RTL4: variants seen among roughly 807,000 people sequenced by gnomAD.
The protein encoded by RTL4 is retrotransposon Gag-like protein 4.
In RTL4, 4 loss-of-function variants were observed where a neutral mutation model predicts 5.3. That is an observed-to-expected ratio of 0.75 (90% CI 0.37 to 1.72). The LOEUF is 1.72. Ranked by LOEUF, RTL4 falls within the 40% of genes most tolerant of loss-of-function variation. The pLI, the probability that RTL4 is intolerant of heterozygous loss-of-function variation, is 0.04. For missense variants in RTL4, 260 were observed against 227.1 expected, an observed-to-expected ratio of 1.14 and a Z score of -0.93; for synonymous variants, 98 against 87.3, an observed-to-expected ratio of 1.12 and a Z score of -0.68.
the RTL4 span, among the ~76,000 whole-genome samples, chrX:112,425,772 G>C: frequency 1.5e-4 from 17 of 111,014 alleles, no homozygotes; most frequent in African/African-American, 5.2e-4. Flanking sequence ...TTTTTAATCA[G>C]GTTTTTAAAA....
the RTL4 span, among the ~76,000 whole-genome samples, chrX:112,090,053 C>T: frequency 9.0e-6 from 1 of 110,789 alleles, no homozygotes; most frequent in African/African-American, 3.3e-5. Context: ...TTTTCCATTA[C>T]TAGTTTACAG....
At chrX:112,426,862 G>A in the RTL4 span, among the ~76,000 whole-genome samples, 37 of 110,135 alleles carry the variant, frequency 3.4e-4, no homozygotes, top group African/African-American at 1.2e-3. Flanking sequence ...CTTGCATCCC[G>A]GAACTTAAAG....
chrX:112,159,765 C>G, the RTL4 span, among the ~76,000 whole-genome samples: 1 of 111,482 alleles, frequency 9.0e-6, no homozygotes, highest in Non-Finnish European at 1.9e-5. Flanking sequence ...CCCGTCTCCC[C>G]ACTCTTCCAA....
chrX:112,120,271 T>TGTTC, the RTL4 span, among the ~76,000 whole-genome samples: 7 of 111,796 alleles, frequency 6.3e-5, no homozygotes, highest in South Asian at 2.6e-3. Context: ...CTTAAGGTTT[T>TGTTC]GTTTGTTTGT....
chrX:112,455,705 T>C (rs769369123), exon 1 of RTL4: 1 of 1,106,844 alleles, frequency 9.0e-7, no homozygotes, highest in African/African-American at 1.8e-5. Flanking sequence ...ATCCCAGCCT[T>C]ACTGATTTAT....
At chrX:112,093,735 C>A in the RTL4 span, among the ~76,000 whole-genome samples, 3 of 111,813 alleles carry the variant, frequency 2.7e-5, no homozygotes, top group African/African-American at 6.5e-5. Context: ...ACTTTCCTAC[C>A]AAAGTTATTA....
chrX:112,103,722 G>T, the RTL4 span, among the ~76,000 whole-genome samples: 1 of 110,504 alleles, frequency 9.0e-6, no homozygotes, highest in East Asian at 2.8e-4. Flanking sequence ...CAAGAATGCA[G>T]ACAGTTTATT....
chrX:112,240,820 C>A, the RTL4 span, among the ~76,000 whole-genome samples: 2 of 110,268 alleles, frequency 1.8e-5, no homozygotes, highest in Admixed American at 9.7e-5. Flanking sequence ...TGCTATCCCT[C>A]CCCCCACCGC....
chrX:112,122,951 G>A, the RTL4 span, among the ~76,000 whole-genome samples: 10 of 110,569 alleles, frequency 9.0e-5, no homozygotes, highest in East Asian at 2.8e-3. Context: ...TGTTAATTAG[G>A]AGAAACTTGC....
chrX:112,287,094 A>G, the RTL4 span, among the ~76,000 whole-genome samples: 1 of 111,919 alleles, frequency 8.9e-6, no homozygotes, highest in Non-Finnish European at 1.9e-5. Context: ...AAAACGTCTT[A>G]CTTATTTTTG....
At chrX:112,134,168 C>T in the RTL4 span, among the ~76,000 whole-genome samples, 2 of 111,962 alleles carry the variant, frequency 1.8e-5, no homozygotes. Flanking sequence ...ATAGTGGAGC[C>T]TCTCTGATTG....
At chrX:112,221,529 G>A in the RTL4 span, among the ~76,000 whole-genome samples, 1 of 111,908 alleles carries the variant, frequency 8.9e-6, no homozygotes, top group South Asian at 3.8e-4. Flanking sequence ...TAGGAAAGAT[G>A]GGCACCAACA....
chrX:112,306,105 C>A, the RTL4 span, among the ~76,000 whole-genome samples: 1 of 111,468 alleles, frequency 9.0e-6, no homozygotes, highest in East Asian at 2.8e-4. Flanking sequence ...AAGTCTTATA[C>A]CAAGTGTCAC....
the RTL4 span, among the ~76,000 whole-genome samples, chrX:112,418,957 C>G: frequency 9.4e-6 from 1 of 106,768 alleles, no homozygotes; most frequent in Non-Finnish European, 1.9e-5. Context: ...TGGTATTTAT[C>G]TTGCCTACCT....
the RTL4 span, among the ~76,000 whole-genome samples, chrX:112,415,399 T>C: frequency 9.8e-5 from 11 of 111,693 alleles, no homozygotes; most frequent in Non-Finnish European, 1.1e-4. Flanking sequence ...TCATTTTTAA[T>C]AGCTATGTAG....
chrX:112,400,238 T>A, the RTL4 span, among the ~76,000 whole-genome samples: 1 of 111,671 alleles, frequency 9.0e-6, no homozygotes, highest in Non-Finnish European at 1.9e-5. Context: ...TTGAGGTGAT[T>A]TCACAGCTCT....
the RTL4 span, among the ~76,000 whole-genome samples, chrX:112,282,121 T>G: frequency 1.8e-5 from 2 of 112,625 alleles, no homozygotes; most frequent in East Asian, 5.6e-4. Flanking sequence ...GTTTTAGGTC[T>G]CACATTTAAG....
the RTL4 span, among the ~76,000 whole-genome samples, chrX:112,425,096 T>C: frequency 1.8e-5 from 2 of 111,428 alleles, no homozygotes; most frequent in African/African-American, 6.5e-5. Flanking sequence ...ATCCCTCCCT[T>C]TCCTCTAGCC....
the RTL4 span, among the ~76,000 whole-genome samples, chrX:112,232,199 A>G: frequency 1.5e-4 from 17 of 111,421 alleles, no homozygotes; most frequent in African/African-American, 5.2e-4. Flanking sequence ...AAAGAGTCGT[A>G]TCTGGTATCC....
Sources: allele counts gnomAD v4.1 joint callset (sites outside exome capture counted in the v4.1 genomes callset), GRCh38; gene constraint gnomAD v4.1.1; transcripts MANE v1.5; gene names NCBI Gene and HGNC (gene_info 2026-07-23, HGNC 2026-07-21).